The following REV1 variants were observed in gnomAD, a reference collection of about 807,000 sequenced individuals.
The protein encoded by REV1 is REV1 DNA directed polymerase.
REV1 carries 42 observed loss-of-function variants against 137.4 expected under a neutral mutation model. The observed-to-expected ratio is 0.31, with a 90% confidence interval of 0.24 to 0.40. The LOEUF is 0.40. REV1 is among the 10% of genes least tolerant of loss of function. The probability of loss-of-function intolerance (pLI) is 1.00; values close to 1 mark genes in which losing one functional copy is unlikely to be tolerated. For missense variants in REV1, 1,282 were observed against 1,490.1 expected, an observed-to-expected ratio of 0.86 and a Z score of 2.30; for synonymous variants, 524 against 519.2, an observed-to-expected ratio of 1.01 and a Z score of -0.12.
intron 1 of REV1, among the ~76,000 whole-genome samples, chr2:99,469,927 C>A (rs1367480406): frequency 2.0e-5 from 3 of 151,974 alleles, no homozygotes; most frequent in Non-Finnish European, 4.4e-5. Flanking sequence ...CGAGACCATA[C>A]TGGCTAAAAC....
Position 99,442,266 on chromosome 2 carries a change from A to AAC in REV1, c.503+50_503+51insGT, listed in dbSNP as rs1553556654. 9 of 1,398,292 alleles carry AAC rather than the reference A, an allele frequency of 6.4e-6. No individual in the cohort carries two copies. In the East Asian group the frequency reaches 7.4e-5, roughly 12 times the overall value. 86.6% of individuals were successfully genotyped at this position (1,398,292 alleles called of 1,614,324 possible). A position where few individuals can be genotyped will look rare whatever the true frequency, so the allele number is the denominator to read the frequency against. ...AAACTCCATCTCAAAAAAAAAAAAAAAAAAAAAAAACCAACCAGCTTTGCA... is the reference window on the plus strand; with the variant it reads ...AAACTCCATCTCAAAAAAAAAAAAAAACAAAAAAAAAACCAACCAGCTTTGCA... On this transcript the variant is annotated intron_variant, in intron 5 of 22. Transcript: ENST00000258428.
chr2:99,430,336 G>C (rs974118279), intron 8 of REV1, among the ~76,000 whole-genome samples: 1 of 152,052 alleles, frequency 6.6e-6, no homozygotes, highest in African/African-American at 2.4e-5. Flanking sequence ...GTGGGGAAAA[G>C]TTAACGAAAA....
At chr2:99,432,027 G>T (rs912095029) in intron 8 of REV1, 7 of 489,842 alleles carry the variant, frequency 1.4e-5, no homozygotes, top group Non-Finnish European at 1.9e-5. Flanking sequence ...TGAAGTTGTC[G>T]ATGGGATAGA....
At chr2:99,462,672 CCCTT>C in intron 2 of REV1, 50 bp from the exon 3 acceptor site, 14 of 1,567,630 alleles carry the variant, frequency 8.9e-6, no homozygotes, top group African/African-American at 1.4e-5. Flanking sequence ...ATTTTCTCCC[CCCTT>C]TTTTGAAAAA....
intron 3 of REV1, among the ~76,000 whole-genome samples, chr2:99,455,463 A>C (rs1365229711): frequency 6.6e-6 from 1 of 152,226 alleles, no homozygotes; most frequent in Non-Finnish European, 1.5e-5. Context: ...ACACTCAACC[A>C]AACAAAAACT....
At chr2:99,440,644 G>A (rs568103565) in intron 5 of REV1, among the ~76,000 whole-genome samples, 79 of 152,358 alleles carry the variant, frequency 5.2e-4, no homozygotes, top group African/African-American at 1.8e-3. Context: ...TTTGTCACAT[G>A]CAGAGAAAGT....
At position 99,430,117 on chromosome 2, in the gene REV1, G is replaced by A. The variant is rs142063590; in HGVS notation, c.1439-169C>T. On this transcript the variant is annotated intron_variant, in intron 8 of 22. Coordinates refer to ENST00000258428, the MANE Select transcript of REV1 (RefSeq NM_016316.4). ...ATCTAATAAAAGAAAACTCTAAAAT[G>A]GTTCGCTTCCATTATATTCTTCATC... 3.0e-3 allele frequency among the ~76,000 whole-genome samples: 448 copies of A among 151,860 alleles called. 4 individuals carry two copies. The highest frequency in any genetic ancestry group is 0.01 in the African/African-American group (429 of 41,442).
At chr2:99,408,773 C>G (rs1432970687) in intron 14 of REV1, among the ~76,000 whole-genome samples, 2 of 152,220 alleles carry the variant, frequency 1.3e-5, no homozygotes, top group Non-Finnish European at 2.9e-5. Flanking sequence ...CCATTGCAAA[C>G]AGAATTACTA....
At chr2:99,470,088 TC>T in intron 1 of REV1, among the ~76,000 whole-genome samples, 1 of 149,664 alleles carries the variant, frequency 6.7e-6, no homozygotes, top group South Asian at 2.1e-4. Flanking sequence ...ACCACTGCAC[TC>T]CAGCCTGGGC....
chr2:99,444,305 G>C (rs1681905086), intron 4 of REV1, among the ~76,000 whole-genome samples: 1 of 152,234 alleles, frequency 6.6e-6, no homozygotes, highest in Non-Finnish European at 1.5e-5. Context: ...GACAAGTAGA[G>C]AGTGAAACTA....
chr2:99,404,732 G>GT (rs1676036558), intron 17 of REV1, 55 bp from the exon 18 acceptor site: 6 of 1,189,810 alleles, frequency 5.0e-6, no homozygotes, highest in Non-Finnish European at 7.4e-6. Context: ...GAGATGAGGT[G>GT]TTTGGGAGTT....
At chr2:99,409,853 A>ACCCCC (rs36096966) in intron 14 of REV1, among the ~76,000 whole-genome samples, 10 of 78,474 alleles carry the variant, frequency 1.3e-4, no homozygotes, top group East Asian at 1.5e-3. Flanking sequence ...AAAACAAACA[A>ACCCCC]CCCCCCCCCC....
chr2:99,454,417 G>A (rs906744675), intron 3 of REV1, among the ~76,000 whole-genome samples: 1 of 151,676 alleles, frequency 6.6e-6, no homozygotes, highest in African/African-American at 2.4e-5. Flanking sequence ...GGATGTGGTG[G>A]CATGCGCCTG....
intron 1 of REV1, among the ~76,000 whole-genome samples, chr2:99,486,528 C>CAAA (rs36112989): frequency 1.4e-5 from 2 of 145,856 alleles, no homozygotes; most frequent in African/African-American, 2.5e-5. Context: ...GACTCCATCT[C>CAAA]AAAAAAAAAA....
intron 8 of REV1, among the ~76,000 whole-genome samples, chr2:99,430,484 T>C (rs1575075686): frequency 6.6e-6 from 1 of 152,334 alleles, no homozygotes; most frequent in African/African-American, 2.4e-5. Flanking sequence ...TCACAAAACA[T>C]GAAGAGGTTT....
At chr2:99,402,152 C>T in intron 22 of REV1, 92 bp downstream of exon 22, 2 of 620,106 alleles carry the variant, frequency 3.2e-6, no homozygotes, top group Non-Finnish European at 5.7e-6. Context: ...CTAATGAGTA[C>T]AGTTTCCCAG....
chr2:99,416,216 TG>T (rs1677832962), intron 12 of REV1, among the ~76,000 whole-genome samples: 2 of 152,246 alleles, frequency 1.3e-5, no homozygotes, highest in South Asian at 4.1e-4. Context: ...AAATAGGTAC[TG>T]TATATTTATC....
intron 3 of REV1, among the ~76,000 whole-genome samples, chr2:99,459,652 G>C (rs567461394): frequency 1.3e-5 from 2 of 152,246 alleles, no homozygotes; most frequent in Admixed American, 6.5e-5. Context: ...GCTGCAGTGA[G>C]CCGTGATAGT....
intron 12 of REV1, among the ~76,000 whole-genome samples, chr2:99,417,711 T>C (rs963447647): frequency 6.6e-6 from 1 of 152,184 alleles, no homozygotes; most frequent in African/African-American, 2.4e-5. Context: ...TTCTGTTGTT[T>C]ATGCACCCCA....
Sources: allele counts gnomAD v4.1 joint callset (sites outside exome capture counted in the v4.1 genomes callset), GRCh38; gene constraint gnomAD v4.1.1; transcripts MANE v1.5; gene names NCBI Gene and HGNC (gene_info 2026-07-23, HGNC 2026-07-21).